TET2: variants seen among roughly 807,000 people sequenced by gnomAD.
TET2 encodes the protein methylcytosine dioxygenase TET2.
Under a neutral mutation model 142.9 loss-of-function variants are expected in TET2, and 299 were observed. The observed-to-expected ratio is 2.09, with a 90% CI of 1.90 to 2.30. The LOEUF (loss-of-function observed/expected upper bound fraction) is 2.30, where lower values mean the gene tolerates loss of function less well. Ranked by LOEUF, TET2 falls within the 30% of genes most tolerant of loss-of-function variation. The pLI is 0.00. For missense variants in TET2, 2,418 were observed against 2,378.0 expected, an observed-to-expected ratio of 1.02 and a Z score of -0.35; for synonymous variants, 819 against 849.0, an observed-to-expected ratio of 0.96 and a Z score of 0.61.
intron 6 of TET2, among the ~76,000 whole-genome samples, chr4:105,252,482 ATGTAGGTTTTT>A (rs961378957): frequency 1.9e-3 from 295 of 152,318 alleles, no homozygotes; most frequent in African/African-American, 6.9e-3. Context: ...TTATAAAAGT[ATGTAGGTTTTT>A]GTGTGGACAA....
chr4:105,224,722 C>CTG (rs1440145858), intron 2 of TET2, among the ~76,000 whole-genome samples: 10 of 150,334 alleles, frequency 6.7e-5, no homozygotes, highest in Non-Finnish European at 1.0e-4. Context: ...CTCTCTCTCT[C>CTG]TCTCTGTCTC....
intron 1 of TET2, among the ~76,000 whole-genome samples, chr4:105,180,383 A>G (rs1725044954): frequency 1.3e-5 from 2 of 152,238 alleles, no homozygotes; most frequent in South Asian, 2.1e-4. Flanking sequence ...GGAGGAAAAT[A>G]CAAATTATTA....
chr4:105,266,007 G>A (rs1426003943), intron 8 of TET2, among the ~76,000 whole-genome samples: 1 of 152,096 alleles, frequency 6.6e-6, no homozygotes, highest in Non-Finnish European at 1.5e-5. Flanking sequence ...AGAGGAGAGA[G>A]TGTTATTGAG....
At chr4:105,227,465 C>G (rs959829819) in intron 2 of TET2, among the ~76,000 whole-genome samples, 2 of 152,140 alleles carry the variant, frequency 1.3e-5, no homozygotes, top group Non-Finnish European at 2.9e-5. Flanking sequence ...GGCATGGACT[C>G]TTTTGCATAC....
intron 8 of TET2, among the ~76,000 whole-genome samples, chr4:105,266,723 C>A (rs961580130): frequency 1.3e-5 from 2 of 151,570 alleles, no homozygotes; most frequent in Non-Finnish European, 2.9e-5. Context: ...AAAGAAAAAA[C>A]TGAAAAAAAT....
intron 6 of TET2, among the ~76,000 whole-genome samples, chr4:105,256,480 A>G (rs1730138932): frequency 6.6e-6 from 1 of 151,982 alleles, no homozygotes; most frequent in Non-Finnish European, 1.5e-5. Context: ...TATTAATCTT[A>G]TTGGGAATCC....
rs374377562 is a variant in TET2, at chr4:105,153,368, CT to C, written c.-193+6396del. Among the ~76,000 whole-genome samples, 151 of 152,172 alleles carry C rather than the reference CT, an allele frequency of 9.9e-4. 1 individual carries two copies. The highest frequency in any genetic ancestry group is 3.5e-3 in the African/African-American group (145 of 41,502). ...GTCACATGATCACATATTTTTAAACCTTTTTTTCTCAAAACAGAGAAGTTTA... is the reference window on the plus strand; with the variant it reads ...GTCACATGATCACATATTTTTAAACCTTTTTTCTCAAAACAGAGAAGTTTA... On this transcript the variant is annotated intron_variant, in intron 1 of 10. Coordinates refer to ENST00000380013, the MANE Select transcript of TET2 (RefSeq NM_001127208.3).
At chr4:105,205,067 A>C (rs1726737565) in intron 2 of TET2, among the ~76,000 whole-genome samples, 1 of 152,172 alleles carries the variant, frequency 6.6e-6, no homozygotes, top group Non-Finnish European at 1.5e-5. Flanking sequence ...TTAAGACTCT[A>C]GTTATACTAT....
chr4:105,275,975 C>A lies in TET2; in HGVS notation c.5465C>A (p.Ala1822Asp), dbSNP rs1731200843. 3.9e-6 allele frequency: 6 copies of A among 1,551,728 alleles called. No homozygotes were observed. The highest frequency in any genetic ancestry group is 4.4e-6 in the Non-Finnish European group (5 of 1,146,988). The stretch of plus-strand genomic sequence containing the variant: ...GGAGGCTTACACAAATTAAGTGATG[C>A]TAATGGTCAGGAAAAGCAGCCATTG... ...VQGGLHKLSD[A>D]NGQEKQPLAL... is the part of the protein sequence containing the mutation. The change falls in exon 11 of 11, where the codon GCT (alanine) becomes GAT (aspartate). Residue 1822 changes from alanine (A) to aspartate (D), a missense_variant. Physicochemically the swap from Ala to Asp is moderately radical, Grantham distance 126. Coordinates refer to ENST00000380013, the MANE Select transcript of TET2 (RefSeq NM_001127208.3).
intron 8 of TET2, among the ~76,000 whole-genome samples, chr4:105,265,904 C>T (rs1301120100): frequency 6.6e-6 from 1 of 152,054 alleles, no homozygotes; most frequent in Non-Finnish European, 1.5e-5. Context: ...CAGTAGGAAC[C>T]CAAACACACC....
Position 105,161,795 on chromosome 4 carries a change from A to G in TET2, c.-193+14816A>G, listed in dbSNP as rs537186401. Among the ~76,000 whole-genome samples, 6 of 152,360 alleles carry G rather than the reference A, an allele frequency of 3.9e-5. 1 individual carries two copies. Among genetic ancestry groups the G allele is most frequent in the Admixed American group, 3.9e-4 (6 of 15,302 alleles). On this transcript the variant is annotated intron_variant, in intron 1 of 10. Transcript: ENST00000380013. ...TATTCAATGCATAGGCTGTCTTCAT[A>G]AAGATGAGACTGAGTGACAGTTGTC...
intron 1 of TET2, among the ~76,000 whole-genome samples, chr4:105,157,033 C>A (rs1205600551): frequency 6.6e-6 from 1 of 152,008 alleles, no homozygotes; most frequent in Non-Finnish European, 1.5e-5. Flanking sequence ...CTTTGAGCAC[C>A]CTGTAATTAA....
At chr4:105,258,878 T>C (rs1730279850) in intron 6 of TET2, among the ~76,000 whole-genome samples, 1 of 152,182 alleles carries the variant, frequency 6.6e-6, no homozygotes, top group Non-Finnish European at 1.5e-5. Context: ...TACTATATTT[T>C]AGCCAGAAAC....
intron 4 of TET2, chr4:105,242,337 T>C (rs1729352110): frequency 1.9e-6 from 2 of 1,077,620 alleles, no homozygotes; most frequent in Non-Finnish European, 2.3e-6. Flanking sequence ...AGGGAAGATA[T>C]AGTCTATTTC....
chr4:105,205,046 A>G (rs1387158596), intron 2 of TET2, among the ~76,000 whole-genome samples: 7 of 152,100 alleles, frequency 4.6e-5, no homozygotes, highest in Admixed American at 4.6e-4. Context: ...TGTTTTGTCA[A>G]TAAAAGAGTT....
At chr4:105,179,539 T>C (rs925096215) in intron 1 of TET2, among the ~76,000 whole-genome samples, 5 of 152,214 alleles carry the variant, frequency 3.3e-5, no homozygotes, top group Non-Finnish European at 5.9e-5. Flanking sequence ...AAAAATCTTG[T>C]TTCATTTTAT....
chr4:105,234,168 C>T lies in TET2; in HGVS notation c.226C>T (p.Pro76Ser), dbSNP rs538425978. 3.1e-6 allele frequency: 5 copies of T among 1,614,132 alleles called. No individual in the cohort carries two copies. The African/African-American group carries it at 5.3e-5, about 17-fold the overall frequency. ...GGGAAGCCAGAATAGTCGTGTGAGT[C>T]CTGACTTTACACAAGAAAGTAGAGG... ...MKGSQNSRVSPDFTQESRGYS... is the reference protein window; with the variant it reads ...MKGSQNSRVSSDFTQESRGYS... The change falls in exon 3 of 11, where the codon CCT becomes TCT. Residue 76 changes from proline to serine, a missense_variant. Transcript: ENST00000380013.
At position 105,236,500 on chromosome 4, in the gene TET2, T is replaced by C. The variant is rs1338288621; in HGVS notation, c.2558T>C (p.Leu853Pro). The change falls in exon 3 of 11, where the codon CTT becomes CCT. Residue 853 changes from leucine (L) to proline (P), a missense_variant. By Grantham distance (98) the Leu-to-Pro change is moderately conservative. Coordinates refer to ENST00000380013, the MANE Select transcript of TET2 (RefSeq NM_001127208.3). Reference protein sequence around the residue: ...ENKEQTTHPELFAGNKTQNLH... With the variant: ...ENKEQTTHPEPFAGNKTQNLH... The stretch of plus-strand genomic sequence containing the variant: ...AAAGAACAGACTACACATCCTGAAC[T>C]TTTTGCAGGAAACAAGACCCAAAAC... 3.1e-6 allele frequency: 5 copies of C among 1,613,980 alleles called. No homozygotes were observed. The highest frequency in any genetic ancestry group is 2.7e-5 in the African/African-American group (2 of 74,916).
In TET2 at chr4:105,272,861, T is replaced by G; in HGVS notation, c.4480T>G (p.Ser1494Ala). ...NSSNKNEKEK[S>A]APSRTKQTEN... ...CTCAAATAAAAATGAAAAGGAAAAGTCAGCCCCATCACGTACAAAACAAAC... is the reference window on the plus strand; with the variant it reads ...CTCAAATAAAAATGAAAAGGAAAAGGCAGCCCCATCACGTACAAAACAAAC... Residue 1494 changes from serine to alanine, a missense_variant, in exon 10 of 11, where the codon TCA (serine) becomes GCA (alanine). Coordinates refer to ENST00000380013, the MANE Select transcript of TET2 (RefSeq NM_001127208.3). 1 of 1,550,552 alleles carries G rather than the reference T, an allele frequency of 6.4e-7. No individual in the cohort carries two copies. Among genetic ancestry groups the G allele is most frequent in the Non-Finnish European group, 8.7e-7 (1 of 1,146,764 alleles).
Sources: gnomAD v4.1 joint callset for allele counts (sites outside exome capture counted in the v4.1 genomes callset) on GRCh38, gnomAD v4.1.1 for gene constraint, MANE v1.5 for transcripts, NCBI Gene and HGNC (gene_info 2026-07-23, HGNC 2026-07-21) for gene names.